Variants in EFCAB13 observed in about 807,000 individuals in gnomAD.
EFCAB13 encodes the protein EF-hand calcium-binding domain-containing protein 13.
A neutral mutation model predicts 110.2 loss-of-function variants in EFCAB13; 91 were observed. The observed-to-expected ratio is 0.83, with a 90% CI of 0.70 to 0.98. The LOEUF is 0.98. Among genes scored for constraint, EFCAB13 ranks in the 50% least tolerant of loss-of-function variants. The pLI, the probability that EFCAB13 is intolerant of heterozygous loss-of-function variation, is 0.00. For missense variants in EFCAB13, 968 were observed against 1,119.4 expected (o/e 0.86, Z 1.93); for synonymous variants, 323 against 369.9 (o/e 0.87, Z 1.45).
intron 14 of EFCAB13, among the ~76,000 whole-genome samples, chr17:47,390,325 TACACACACAC>T (rs111830433): frequency 6.7e-6 from 1 of 150,102 alleles, no homozygotes; most frequent in Non-Finnish European, 1.5e-5. Flanking sequence ...GTTTTTTTCA[TACACACACAC>T]ACACACACAC....
intron 2 of EFCAB13, among the ~76,000 whole-genome samples, chr17:47,325,534 A>G (rs78351294): frequency 0.02 from 3,114 of 152,160 alleles, 87 homozygotes; most frequent in East Asian, 0.064. Flanking sequence ...ATGATATGCC[A>G]CTTTCACTTA....
At chr17:47,386,045 C>T (rs1390103533) in intron 14 of EFCAB13, among the ~76,000 whole-genome samples, 1 of 152,174 alleles carries the variant, frequency 6.6e-6, no homozygotes, top group Non-Finnish European at 1.5e-5. Flanking sequence ...CAGAGCTCTC[C>T]TGCATGAGGT....
At chr17:47,343,709 C>T (rs2065398651) in intron 6 of EFCAB13, among the ~76,000 whole-genome samples, 1 of 152,086 alleles carries the variant, frequency 6.6e-6, no homozygotes, top group Admixed American at 6.5e-5. Context: ...TTTATACATG[C>T]AATCTTAAGT....
chr17:47,343,016 G>C (rs2065394572), intron 6 of EFCAB13, among the ~76,000 whole-genome samples: 2 of 151,882 alleles, frequency 1.3e-5, no homozygotes, highest in Non-Finnish European at 2.9e-5. Context: ...ATATTCTATA[G>C]TTATTTCAAG....
intron 1 of EFCAB13, 35 bp from the exon 2 acceptor site, chr17:47,324,419 A>G (rs1441792986): frequency 6.6e-6 from 1 of 151,888 alleles, no homozygotes; most frequent in South Asian, 2.1e-4. Flanking sequence ...CGGGTCGTTC[A>G]CTCGCTAGCT....
At chr17:47,418,556 C>T (rs1904527262) in intron 23 of EFCAB13, among the ~76,000 whole-genome samples, 1 of 151,952 alleles carries the variant, frequency 6.6e-6, no homozygotes, top group Admixed American at 6.6e-5. Flanking sequence ...TTCCTGATGT[C>T]CTTTGAAGCA....
At chr17:47,429,228 A>G (rs1905056640) in intron 23 of EFCAB13, among the ~76,000 whole-genome samples, 1 of 152,196 alleles carries the variant, frequency 6.6e-6, no homozygotes. Flanking sequence ...TTAGAAAACA[A>G]TTATGCTTAT....
intron 9 of EFCAB13, among the ~76,000 whole-genome samples, chr17:47,361,071 C>G (rs2065509858): frequency 6.6e-6 from 1 of 151,996 alleles, no homozygotes; most frequent in Non-Finnish European, 1.5e-5. Flanking sequence ...TCTTGGGGAC[C>G]CCCAGATTTG....
chr17:47,336,068 CAG>C (rs1294823893), intron 5 of EFCAB13, among the ~76,000 whole-genome samples: 1 of 151,886 alleles, frequency 6.6e-6, no homozygotes, highest in African/African-American at 2.4e-5. Flanking sequence ...AAGAAGGAAA[CAG>C]AAGGTTCTTT....
At chr17:47,412,065 G>A (rs569272670) in intron 21 of EFCAB13, among the ~76,000 whole-genome samples, 1 of 152,330 alleles carries the variant, frequency 6.6e-6, no homozygotes, top group Admixed American at 6.5e-5. Flanking sequence ...CTGCACTCCA[G>A]CCTGGGTGAC....
chr17:47,410,834 T>C (rs1008718019), intron 21 of EFCAB13, among the ~76,000 whole-genome samples: 5 of 152,236 alleles, frequency 3.3e-5, no homozygotes, highest in Middle Eastern at 3.2e-3. Flanking sequence ...GAGTCAATTA[T>C]AGAAAAGCCT....
chr17:47,428,402 T>C (rs77489465), intron 23 of EFCAB13, among the ~76,000 whole-genome samples: 1,993 of 152,226 alleles, frequency 0.013, 23 homozygotes, highest in Non-Finnish European at 0.021. Context: ...AGTCTTTGAA[T>C]GCTTCCCAAT....
rs1422573203 is a variant in EFCAB13, at chr17:47,423,921, C to A, written c.2495-5897C>A. On this transcript the variant is annotated intron_variant, in intron 23 of 24. Coordinates refer to ENST00000331493, the MANE Select transcript of EFCAB13 (RefSeq NM_152347.5). ...GACGAGCTGCTGTTCCTGGGCGGCCCGGCCAGCTCCGTCTACGCGCTCAGC... is the reference window on the plus strand; with the variant it reads ...GACGAGCTGCTGTTCCTGGGCGGCCAGGCCAGCTCCGTCTACGCGCTCAGC... Among the ~76,000 whole-genome samples the A allele has an allele frequency of 1.3e-5, 2 of 151,906 alleles. 1 individual carries two copies. Among genetic ancestry groups the A allele is most frequent in the Non-Finnish European group, 2.9e-5 (2 of 67,934 alleles).
Position 47,391,531 on chromosome 17 carries a change from C to T in EFCAB13, c.1677C>T (p.Tyr559=). 1 of 1,591,674 alleles carries T rather than the reference C, an allele frequency of 6.3e-7. No individual in the cohort carries two copies. The highest frequency in any genetic ancestry group is 1.8e-5 in the Admixed American group (1 of 55,852). Reference sequence around the variant, plus strand: ...CTTGTCTTCAAAATTTTGGTATTTACCTTTCTAAGCCAGAATTTAAGAAGA... The same window carrying T: ...CTTGTCTTCAAAATTTTGGTATTTATCTTTCTAAGCCAGAATTTAAGAAGA... ...LNTCLQNFGI[Y]LSKPEFKKIT... Residue 559 remains tyrosine (Y), a synonymous_variant, in exon 15 of 25, where the codon TAC becomes TAT. Coordinates refer to ENST00000331493, the MANE Select transcript of EFCAB13 (RefSeq NM_152347.5).
intron 8 of EFCAB13, among the ~76,000 whole-genome samples, chr17:47,346,224 C>T (rs1251743823): frequency 6.6e-6 from 1 of 152,112 alleles, no homozygotes; most frequent in Non-Finnish European, 1.5e-5. Context: ...CCCCCTGCTC[C>T]AGGCAACTAC....
chr17:47,379,968 A>G (rs2065637782), intron 14 of EFCAB13, among the ~76,000 whole-genome samples: 1 of 152,202 alleles, frequency 6.6e-6, no homozygotes, highest in Non-Finnish European at 1.5e-5. Flanking sequence ...AAGCTACATT[A>G]TCATTTGTCA....
intron 9 of EFCAB13, among the ~76,000 whole-genome samples, chr17:47,350,429 T>C (rs2065442876): frequency 6.6e-6 from 1 of 152,212 alleles, no homozygotes; most frequent in Non-Finnish European, 1.5e-5. Flanking sequence ...AATGAATCTA[T>C]AGAGGCCAAA....
intron 23 of EFCAB13, among the ~76,000 whole-genome samples, chr17:47,424,528 G>A (rs1904860861): frequency 6.6e-6 from 1 of 152,120 alleles, no homozygotes; most frequent in Non-Finnish European, 1.5e-5. Flanking sequence ...CATCTGAATG[G>A]GACAGATACT....
At chr17:47,372,543 G>A (rs746796187) in intron 11 of EFCAB13, among the ~76,000 whole-genome samples, 13 of 152,252 alleles carry the variant, frequency 8.5e-5, no homozygotes, top group Non-Finnish European at 1.9e-4. Context: ...TTACCAGTGA[G>A]TTTTACACAT....
Sources: allele counts gnomAD v4.1 joint callset (sites outside exome capture counted in the v4.1 genomes callset), GRCh38; gene constraint gnomAD v4.1.1; transcripts MANE v1.5; gene names NCBI Gene and HGNC (gene_info 2026-07-23, HGNC 2026-07-21).